The following PAH variants were observed in gnomAD, a reference collection of about 807,000 sequenced individuals.
PAH encodes phenylalanine-4-hydroxylase.
Under a neutral mutation model 62.0 loss-of-function variants are expected in PAH, and 64 were observed. The observed-to-expected ratio is 1.03, with a 90% CI of 0.84 to 1.27. The LOEUF (loss-of-function observed/expected upper bound fraction) is 1.27. Ranked by LOEUF, PAH falls within the 50% of genes most tolerant of loss-of-function variation. PAH has a pLI of 0.00. For synonymous variants in PAH, 195 were observed against 196.2 expected, an observed-to-expected ratio of 0.99 and a Z score of 0.05; for missense variants, 579 against 542.8, an observed-to-expected ratio of 1.07 and a Z score of -0.66.
intron 2 of PAH, among the ~76,000 whole-genome samples, chr12:102,908,884 C>G (rs528638883): frequency 7.2e-6 from 1 of 139,344 alleles, no homozygotes; most frequent in East Asian, 2.1e-4. Flanking sequence ...TCTCGCTGCT[C>G]AGGCTGGAGT....
chr12:102,851,372 G>A (rs1039743215), intron 8 of PAH, among the ~76,000 whole-genome samples: 1 of 152,188 alleles, frequency 6.6e-6, no homozygotes, highest in African/African-American at 2.4e-5. Flanking sequence ...TAAGAGATTG[G>A]AAGAAGGTGA....
intron 11 of PAH, 107 bp downstream of exon 11, chr12:102,843,539 A>T: frequency 9.3e-7 from 1 of 1,079,034 alleles, no homozygotes; most frequent in South Asian, 1.3e-5. Flanking sequence ...TATGGTACAA[A>T]GTTGCTGTAG....
chr12:102,913,043 A>T, intron 1 of PAH, 145 bp from the exon 2 acceptor site: 3 of 660,236 alleles, frequency 4.5e-6, no homozygotes, highest in Non-Finnish European at 8.3e-6. Flanking sequence ...CTATACAGAA[A>T]TATGTAGTGT....
At chr12:102,933,001 C>T (rs1035240851) in intron 1 of PAH, among the ~76,000 whole-genome samples, 1 of 152,142 alleles carries the variant, frequency 6.6e-6, no homozygotes, top group Non-Finnish European at 1.5e-5. Flanking sequence ...TATGCTCTTT[C>T]ATTTTAAAAT....
At chr12:102,869,580 A>T (rs1876210511) in intron 4 of PAH, among the ~76,000 whole-genome samples, 1 of 152,198 alleles carries the variant, frequency 6.6e-6, no homozygotes, top group Admixed American at 6.5e-5. Context: ...GTATACAGGA[A>T]CACACACACA....
At chr12:102,956,594 C>G (rs1593011010) in intron 1 of PAH, among the ~76,000 whole-genome samples, 1 of 152,310 alleles carries the variant, frequency 6.6e-6, no homozygotes, top group East Asian at 1.9e-4. Context: ...GAATCCCCAC[C>G]AGTGCCCTAA....
chr12:102,903,764 G>A (rs1877862410), intron 2 of PAH, among the ~76,000 whole-genome samples: 1 of 152,144 alleles, frequency 6.6e-6, no homozygotes, highest in South Asian at 2.1e-4. Flanking sequence ...ATTGAATGAT[G>A]CTGTCTTTGA....
chr12:102,903,170 G>T (rs1259278856), intron 2 of PAH, among the ~76,000 whole-genome samples: 1 of 152,158 alleles, frequency 6.6e-6, no homozygotes, highest in Admixed American at 6.5e-5. Context: ...AGAACAGCCT[G>T]GCCAACATAG....
At chr12:102,901,924 T>A (rs1430872292) in intron 2 of PAH, among the ~76,000 whole-genome samples, 1 of 152,162 alleles carries the variant, frequency 6.6e-6, no homozygotes, top group African/African-American at 2.4e-5. Flanking sequence ...ATCTCTGCCC[T>A]TGTGGAGCTT....
intron 1 of PAH, chr12:102,946,895 C>A (rs1879517646): frequency 6.6e-6 from 1 of 152,138 alleles, no homozygotes; most frequent in Non-Finnish European, 1.5e-5. Flanking sequence ...GTATGTGATA[C>A]TTTGTAAAGA....
chr12:102,867,300 T>C (rs1876022887), intron 4 of PAH, among the ~76,000 whole-genome samples: 1 of 152,152 alleles, frequency 6.6e-6, no homozygotes, highest in Non-Finnish European at 1.5e-5. Flanking sequence ...TGTCAGCCTT[T>C]ACAATCTGGC....
chr12:102,897,492 T>TATACACATATATAA (rs1379613102), intron 2 of PAH, among the ~76,000 whole-genome samples: 3 of 137,470 alleles, frequency 2.2e-5, no homozygotes, highest in African/African-American at 9.6e-5. Flanking sequence ...TATATATATA[T>TATACACATATATAA]AATTCAAACT....
At chr12:102,927,686 A>T (rs1426265094) in intron 1 of PAH, among the ~76,000 whole-genome samples, 1 of 152,190 alleles carries the variant, frequency 6.6e-6, no homozygotes, top group Non-Finnish European at 1.5e-5. Context: ...TAAAAGTGTG[A>T]TATTTTACAA....
chr12:102,888,162 G>C (rs766177864), intron 3 of PAH, among the ~76,000 whole-genome samples: 11 of 152,032 alleles, frequency 7.2e-5, no homozygotes, highest in Non-Finnish European at 1.2e-4. Flanking sequence ...CTACACGCTA[G>C]GCACTTTATG....
chr12:102,939,804 A>G (rs1381314177), intron 1 of PAH, among the ~76,000 whole-genome samples: 2 of 152,320 alleles, frequency 1.3e-5, no homozygotes, highest in East Asian at 3.9e-4. Flanking sequence ...GCCACTGCCA[A>G]GGTCTCTGCC....
chr12:102,858,377 A>G (rs1875544222), intron 5 of PAH, among the ~76,000 whole-genome samples: 1 of 152,210 alleles, frequency 6.6e-6, no homozygotes, highest in Non-Finnish European at 1.5e-5. Context: ...AATAGTAATG[A>G]GAGCGTTTAA....
At chr12:102,840,657 C>T (rs572691049) in intron 11 of PAH, 142 bp from the exon 12 acceptor site, 19 of 698,132 alleles carry the variant, frequency 2.7e-5, no homozygotes, top group South Asian at 9.1e-5. Context: ...AGGGCTGAGG[C>T]GGGGGGAATG....
At chr12:102,924,813 G>A (rs888883814) in intron 1 of PAH, among the ~76,000 whole-genome samples, 1 of 152,094 alleles carries the variant, frequency 6.6e-6, no homozygotes, top group Non-Finnish European at 1.5e-5. Context: ...TGGACTTGGG[G>A]GACAAGGAGA....
intron 2 of PAH, among the ~76,000 whole-genome samples, chr12:102,903,328 T>C (rs1336204925): frequency 6.6e-6 from 1 of 150,640 alleles, no homozygotes; most frequent in African/African-American, 2.5e-5. Context: ...ACCAATGCAC[T>C]GTAGCCTGGG....
Sources: gnomAD v4.1 joint callset for allele counts (sites outside exome capture counted in the v4.1 genomes callset) on GRCh38, gnomAD v4.1.1 for gene constraint, MANE v1.5 for transcripts, NCBI Gene and HGNC (gene_info 2026-07-23, HGNC 2026-07-21) for gene names.